LTF: variants seen among roughly 807,000 people sequenced by gnomAD.
LTF encodes the protein lactotransferrin.
Under a neutral mutation model 87.2 loss-of-function variants are expected in LTF, and 91 were observed. That is an observed-to-expected ratio of 1.04 (90% CI 0.88 to 1.24). LTF has a LOEUF of 1.24. LTF is among the 50% of genes most tolerant of loss of function. The pLI, the probability that LTF is intolerant of heterozygous loss-of-function variation, is 0.00. For synonymous variants in LTF, 378 were observed against 356.1 expected (o/e 1.06, Z -0.69); for missense variants, 901 against 904.3 (o/e 1.00, Z 0.05).
At position 46,450,504 on chromosome 3, in the gene LTF, G is replaced by A. The variant is rs767699434; in HGVS notation, c.873C>T (p.Arg291=). 6.2e-7 allele frequency: 1 copy of A among 1,611,476 alleles called. No individual in the cohort carries two copies. Among genetic ancestry groups the A allele is most frequent in the East Asian group, 2.2e-5 (1 of 44,852 alleles). Residue 291 remains arginine (R), a synonymous_variant, in exon 7 of 17, where the codon CGC becomes CGT. Transcript: ENST00000231751. Reference sequence around the variant, plus strand: ...CCGTGGGTGAAGATACCTGTGCCTGGCGGAGAAGATTCCAGATGGCATCCT... The same window carrying A: ...CCGTGGGTGAAGATACCTGTGCCTGACGGAGAAGATTCCAGATGGCATCCT... ...GKEDAIWNLL[R]QAQEKFGKDK...
chr3:46,460,629 G>A (rs761000203), intron 1 of LTF: 17 of 453,370 alleles, frequency 3.7e-5, no homozygotes, highest in Non-Finnish European at 5.7e-5. Context: ...AATGGTGAAA[G>A]ACTGACTGCT....
At chr3:46,478,258 T>C (rs563513145) in intron 1 of LTF, among the ~76,000 whole-genome samples, 2 of 152,298 alleles carry the variant, frequency 1.3e-5, no homozygotes, top group Non-Finnish European at 2.9e-5. Flanking sequence ...TCCTTGAATT[T>C]CTGCTCACCA....
chr3:46,463,614 C>A, intron 1 of LTF: 4 of 985,500 alleles, frequency 4.1e-6, no homozygotes, highest in Non-Finnish European at 4.8e-6. Flanking sequence ...GCCAAAACAA[C>A]TAAAGATCCA....
intron 5 of LTF, among the ~76,000 whole-genome samples, chr3:46,454,798 G>T (rs557333127): frequency 6.6e-6 from 1 of 152,268 alleles, no homozygotes; most frequent in African/African-American, 2.4e-5. Flanking sequence ...GCCTCCGCGT[G>T]GGGGCAGAGA....
chr3:46,483,006 C>A (rs1398381853), intron 1 of LTF, among the ~76,000 whole-genome samples: 2 of 152,234 alleles, frequency 1.3e-5, no homozygotes, highest in African/African-American at 4.8e-5. Flanking sequence ...TTGCCAGTTT[C>A]TGTGGTGTAA....
chr3:46,471,236 C>T (rs992613735), intron 1 of LTF, among the ~76,000 whole-genome samples: 3 of 152,168 alleles, frequency 2.0e-5, no homozygotes, highest in African/African-American at 4.8e-5. Context: ...GCCTACTCTC[C>T]ATCTGTGTCT....
chr3:46,450,733 G>C, intron 6 of LTF, 60 bp from the exon 7 acceptor site: 4 of 1,412,304 alleles, frequency 2.8e-6, no homozygotes, highest in Non-Finnish European at 4.0e-6. Context: ...GTAACCTCGA[G>C]CTATAGTTCC....
rs775141634 is a variant in LTF at position 46,436,156 on chromosome 3, C to G, written c.*39G>C. ...GAGAAGAGCTGGGGGCAGTGAATGG[C>G]TGAGGCTTTCTTGGGGAGCTGGGCC... On this transcript the variant is annotated 3_prime_UTR_variant, in exon 17 of 17. Coordinates refer to ENST00000231751, the MANE Select transcript of LTF (RefSeq NM_002343.6). 2.5e-6 allele frequency: 4 copies of G among 1,612,134 alleles called. No homozygotes were observed. The highest frequency in any genetic ancestry group is 3.4e-6 in the Non-Finnish European group (4 of 1,178,180).
intron 1 of LTF, among the ~76,000 whole-genome samples, chr3:46,462,498 C>G (rs1703108053): frequency 6.6e-6 from 1 of 152,188 alleles, no homozygotes; most frequent in African/African-American, 2.4e-5. Context: ...CCTAAGCAGT[C>G]AGGCACTAAA....
upstream of LTF, among the ~76,000 whole-genome samples, chr3:46,466,588 G>A (rs1703217826): frequency 6.6e-6 from 1 of 152,196 alleles, no homozygotes; most frequent in Non-Finnish European, 1.5e-5. Flanking sequence ...ACAGGGTGGA[G>A]GCTAATCAGG....
upstream of LTF, chr3:46,465,061 C>G (rs1703182109): frequency 1.6e-6 from 1 of 621,220 alleles, no homozygotes; most frequent in Non-Finnish European, 2.9e-6. Context: ...GGACTCCACA[C>G]CGCGCTGCGA....
intron 4 of LTF, 51 bp downstream of exon 4, chr3:46,455,745 T>C (rs761427332): frequency 5.3e-6 from 8 of 1,513,782 alleles, no homozygotes; most frequent in Non-Finnish European, 2.7e-6. Flanking sequence ...TGCTTACAAC[T>C]GGAATAGAGC....
chr3:46,439,564 T>C, intron 14 of LTF, 84 bp from the exon 15 acceptor site: 2 of 1,195,620 alleles, frequency 1.7e-6, no homozygotes, highest in East Asian at 2.4e-5. Flanking sequence ...GCCATTCCAC[T>C]GACCTCCCAA....
At chr3:46,446,980 G>A (rs576721333) in intron 10 of LTF, among the ~76,000 whole-genome samples, 1 of 152,334 alleles carries the variant, frequency 6.6e-6, no homozygotes, top group Non-Finnish European at 1.5e-5. Flanking sequence ...GAAACTTGCA[G>A]TGTTTGTTCT....
rs2106908320 is a variant in LTF, at chr3:46,464,830, G to A, written c.38C>T (p.Ala13Val). The A allele has an allele frequency of 1.9e-6, 3 of 1,613,922 alleles. No individual in the cohort carries two copies. The Middle Eastern group carries it at 5.0e-4, about 266-fold the overall frequency. Residue 13 changes from alanine (A) to valine (V), a missense_variant, in exon 1 of 17, where the codon GCC becomes GTC. Physicochemically the swap from Ala to Val is moderately conservative, Grantham distance 64 (BLOSUM62 0). Coordinates refer to ENST00000231751, the MANE Select transcript of LTF (RefSeq NM_002343.6). ...CCCCAGGCACCTGCACTCACCGAGG[G>A]CCCCGAGGAACAGCAGGACGAGGAA... ...LVFLVLLFLG[A>V]LGLCLAGRRR...
intron 1 of LTF, 50 bp downstream of exon 1, chr3:46,464,775 C>T: frequency 1.9e-6 from 3 of 1,604,624 alleles, no homozygotes; most frequent in Non-Finnish European, 1.7e-6. Context: ...GCAGACAGGG[C>T]GCAGGAGACG....
chr3:46,472,753 C>G (rs932093939), intron 1 of LTF, among the ~76,000 whole-genome samples: 3 of 152,192 alleles, frequency 2.0e-5, no homozygotes, highest in East Asian at 3.9e-4. Context: ...TCCAGGAGAG[C>G]AATGCCTCTG....
upstream of LTF, chr3:46,464,998 A>G: frequency 3.5e-6 from 3 of 864,196 alleles, no homozygotes; most frequent in South Asian, 3.0e-5. Flanking sequence ...CCCCGCGGCC[A>G]GGTCTACTTG....
At chr3:46,450,373 T>G in intron 7 of LTF, 122 bp downstream of exon 7, 4 of 1,032,530 alleles carry the variant, frequency 3.9e-6, no homozygotes, top group Non-Finnish European at 5.8e-6. Flanking sequence ...GCCCAATGCA[T>G]TAGTGTGCTA....
Sources: gnomAD v4.1 joint callset for allele counts (sites outside exome capture counted in the v4.1 genomes callset) on GRCh38, gnomAD v4.1.1 for gene constraint, MANE v1.5 for transcripts, NCBI Gene and HGNC (gene_info 2026-07-23, HGNC 2026-07-21) for gene names.